The following HGSNAT variants were observed in gnomAD, a reference collection of about 807,000 sequenced individuals.
The protein encoded by HGSNAT is heparan-alpha-glucosaminide N-acetyltransferase.
In HGSNAT, 59 loss-of-function variants were observed where a neutral mutation model predicts 85.2. The observed-to-expected ratio is 0.69, with a 90% CI of 0.56 to 0.86. The LOEUF (loss-of-function observed/expected upper bound fraction) is 0.86, where lower values mean the gene tolerates loss of function less well. Ranked by LOEUF, HGSNAT falls within the 40% of genes least tolerant of loss-of-function variation. The pLI is 0.00. For missense variants in HGSNAT, 756 were observed against 777.1 expected, an observed-to-expected ratio of 0.97 and a Z score of 0.32; for synonymous variants, 321 against 304.5, an observed-to-expected ratio of 1.05 and a Z score of -0.56.
At chr8:43,161,065 A>G (rs1425382713) in intron 4 of HGSNAT, among the ~76,000 whole-genome samples, 4 of 152,216 alleles carry the variant, frequency 2.6e-5, no homozygotes, top group Non-Finnish European at 4.4e-5. Context: ...TTAGAGACAC[A>G]TCCTGAAGTA....
At chr8:43,185,762 T>C (rs914718209) in intron 11 of HGSNAT, among the ~76,000 whole-genome samples, 6 of 152,206 alleles carry the variant, frequency 3.9e-5, no homozygotes, top group African/African-American at 1.4e-4. Flanking sequence ...CAGTATGATA[T>C]TGGCTGTGGG....
chr8:43,171,787 G>A (rs1282948811), intron 7 of HGSNAT, among the ~76,000 whole-genome samples: 1 of 152,230 alleles, frequency 6.6e-6, no homozygotes, highest in African/African-American at 2.4e-5. Flanking sequence ...CTGGTTAGCT[G>A]CTGTAAAATA....
intron 5 of HGSNAT, among the ~76,000 whole-genome samples, chr8:43,164,878 A>G (rs1803383841): frequency 6.6e-6 from 1 of 151,926 alleles, no homozygotes. Flanking sequence ...TAATTTCAAT[A>G]TTGTTGTATC....
intron 4 of HGSNAT, 150 bp downstream of exon 4, chr8:43,159,194 A>C (rs974708717): frequency 7.2e-5 from 43 of 597,560 alleles, no homozygotes; most frequent in Non-Finnish European, 1.2e-4. Context: ...CCCCCCAAAA[A>C]ATCCACATAA....
At position 43,140,562 on chromosome 8, in the gene HGSNAT, G is replaced by T; in HGVS notation, c.66G>T (p.Leu22=). ...CCGCGTCCGTGCTGAGCGCCGCGCTGCTGGCCCCCGGCGGCTCTTCGGGGC... is the reference window on the plus strand; with the variant it reads ...CCGCGTCCGTGCTGAGCGCCGCGCTTCTGGCCCCCGGCGGCTCTTCGGGGC... ...LLAASVLSAA[L]LAPGGSSGRD... Residue 22 remains leucine (L), a synonymous_variant, in exon 1 of 18, where the codon CTG becomes CTT. Coordinates refer to ENST00000379644, the MANE Select transcript of HGSNAT (RefSeq NM_152419.3). 2 of 1,214,964 alleles carry T rather than the reference G, an allele frequency of 1.6e-6. No homozygotes were observed. Among genetic ancestry groups the T allele is most frequent in the Non-Finnish European group, 2.1e-6 (2 of 970,818 alleles). The allele number at this position is 1,214,964 out of a possible 1,614,324, so 75.3% of individuals were successfully genotyped here.
At chr8:43,159,744 T>C (rs1803213916) in intron 4 of HGSNAT, among the ~76,000 whole-genome samples, 1 of 152,242 alleles carries the variant, frequency 6.6e-6, no homozygotes. Context: ...GCGTATAGTA[T>C]TTCCTGTATA....
chr8:43,165,831 G>A (rs1009421152), intron 5 of HGSNAT, among the ~76,000 whole-genome samples: 2 of 152,164 alleles, frequency 1.3e-5, no homozygotes, highest in Admixed American at 1.3e-4. Context: ...AGCTACTCTG[G>A]AGCCTGAGGC....
intron 5 of HGSNAT, among the ~76,000 whole-genome samples, chr8:43,161,830 A>C (rs1267649023): frequency 6.6e-6 from 1 of 152,248 alleles, no homozygotes; most frequent in Non-Finnish European, 1.5e-5. Flanking sequence ...TGACAATTTT[A>C]GGAGGAGGTC....
chr8:43,197,348 C>T, intron 15 of HGSNAT: 1 of 525,298 alleles, frequency 1.9e-6, no homozygotes, highest in South Asian at 2.5e-5. Flanking sequence ...ACATCAACTT[C>T]CAGATTATAT....
chr8:43,185,627 A>G (rs1804280013), intron 11 of HGSNAT, among the ~76,000 whole-genome samples: 1 of 152,222 alleles, frequency 6.6e-6, no homozygotes, highest in South Asian at 2.1e-4. Flanking sequence ...AATACCTTTT[A>G]TTTCTTTCTC....
chr8:43,192,550 A>T, intron 13 of HGSNAT, 120 bp downstream of exon 13: 1 of 1,109,672 alleles, frequency 9.0e-7, no homozygotes, highest in Non-Finnish European at 1.3e-6. Context: ...AGAACTGATG[A>T]TTATTTGAAA....
intron 14 of HGSNAT, chr8:43,196,239 T>TA (rs1404201001): frequency 7.1e-5 from 24 of 340,276 alleles, no homozygotes; most frequent in Non-Finnish European, 1.0e-4. Flanking sequence ...AACTGGCACA[T>TA]AAAAAATGTT....
At position 43,197,670 on chromosome 8, in the gene HGSNAT, A is replaced by G. The variant is rs1804769861; in HGVS notation, c.1543-2A>G. The G allele has an allele frequency of 6.2e-7, 1 of 1,609,160 alleles. No homozygotes were observed. Among genetic ancestry groups the G allele is most frequent in the Non-Finnish European group, 8.5e-7 (1 of 1,175,544 alleles). On this transcript the variant is annotated splice_acceptor_variant, in intron 15 of 17. Transcript: ENST00000379644. LOFTEE classifies it high-confidence loss of function. The stretch of plus-strand genomic sequence containing the variant: ...TTAACATCCTTCTCTTCCCCATTAC[A>G]GGGGCTCATTTCTGTTGCTCTGACG...
chr8:43,192,699 G>A (rs1804579390), intron 13 of HGSNAT, among the ~76,000 whole-genome samples: 1 of 151,782 alleles, frequency 6.6e-6, no homozygotes, highest in African/African-American at 2.4e-5. Context: ...AAGGTGAGAG[G>A]ATTGCTTGAG....
At chr8:43,190,413 T>A (rs1435994224) in intron 11 of HGSNAT, among the ~76,000 whole-genome samples, 1 of 152,198 alleles carries the variant, frequency 6.6e-6, no homozygotes, top group African/African-American at 2.4e-5. Flanking sequence ...GTTATCTAGT[T>A]TGGGGGGCGT....
intron 12 of HGSNAT, among the ~76,000 whole-genome samples, chr8:43,191,837 A>G: frequency 6.6e-6 from 1 of 152,192 alleles, no homozygotes; most frequent in East Asian, 1.9e-4. Context: ...GCAGTTTGTC[A>G]GTGAGCGTGC....
chr8:43,179,032 CCATCCGATTTCT>C (rs1361880441), intron 10 of HGSNAT, among the ~76,000 whole-genome samples: 1 of 148,630 alleles, frequency 6.7e-6, no homozygotes, highest in African/African-American at 2.5e-5. Context: ...GACCCGGCAA[CCATCCGATTTCT>C]CAATTTTTTC....
chr8:43,199,913 G>A lies in HGSNAT; in HGVS notation c.*344G>A, dbSNP rs1804863153. The A allele has an allele frequency of 5.8e-6, 1 of 171,894 alleles. No homozygotes were observed. The allele number at this position is 171,894 out of a possible 1,614,324, so 10.6% of individuals were successfully genotyped here. On this transcript the variant is annotated 3_prime_UTR_variant, in exon 18 of 18. Coordinates refer to ENST00000379644, the MANE Select transcript of HGSNAT (RefSeq NM_152419.3). ...TTCTGTGGTGAGTGAAACAATCTGA[G>A]GTCTGGTTCTTGCTGACCTTGTTGC... is the stretch of plus-strand genomic sequence containing the variant.
At chr8:43,197,153 C>G in intron 15 of HGSNAT, 128 bp downstream of exon 15, 1 of 671,062 alleles carries the variant, frequency 1.5e-6, no homozygotes, top group Non-Finnish European at 2.7e-6. Flanking sequence ...ATTTTCTTCA[C>G]TTGAATAACA....
Sources: gnomAD v4.1 joint callset for allele counts (sites outside exome capture counted in the v4.1 genomes callset) on GRCh38, gnomAD v4.1.1 for gene constraint, MANE v1.5 for transcripts, NCBI Gene and HGNC (gene_info 2026-07-23, HGNC 2026-07-21) for gene names.